LRRC37A: variants seen among roughly 807,000 people sequenced by gnomAD.
LRRC37A encodes the protein leucine rich repeat containing 37A.
LRRC37A carries 3 observed loss-of-function variants against 35.4 expected under a neutral mutation model. That is an observed-to-expected ratio of 0.08 (90% CI 0.04 to 0.22). LRRC37A has a LOEUF of 0.22. Ranked by LOEUF, LRRC37A falls within the 10% of genes least tolerant of loss-of-function variation. The pLI is 1.00. For synonymous variants in LRRC37A, 23 were observed against 215.0 expected, an observed-to-expected ratio of 0.11 and a Z score of 7.81; for missense variants, 67 against 565.3, an observed-to-expected ratio of 0.12 and a Z score of 8.94.
At chr17:46,282,133 C>T in the LRRC37A span, among the ~76,000 whole-genome samples, 21,642 of 151,600 alleles carry the variant, frequency 0.14, 1,883 homozygotes, top group Non-Finnish European at 0.22. Context: ...GACGGAGTCT[C>T]GCTCTGTCTC....
chr17:46,288,397 C>T (rs2049976887), upstream of LRRC37A, among the ~76,000 whole-genome samples: 1 of 147,804 alleles, frequency 6.8e-6, no homozygotes. Context: ...CAACCTCTGT[C>T]TCCTGGCTTC....
At chr17:46,268,210 G>T in the LRRC37A span, among the ~76,000 whole-genome samples, 1 of 152,130 alleles carries the variant, frequency 6.6e-6, no homozygotes, top group African/African-American at 2.4e-5. Flanking sequence ...GTACAGATGG[G>T]GTTTCACCAT....
the LRRC37A span, chr17:46,267,304 A>G: frequency 8.1e-6 from 11 of 1,360,744 alleles, no homozygotes; most frequent in Non-Finnish European, 1.1e-5. Context: ...GGGGTTCCCA[A>G]ACTGTTTTTT....
chr17:46,280,824 T>C, the LRRC37A span, among the ~76,000 whole-genome samples: 1 of 152,226 alleles, frequency 6.6e-6, no homozygotes, highest in Non-Finnish European at 1.5e-5. Flanking sequence ...TCCATCCGTC[T>C]TTGCCTTCCA....
chr17:46,286,131 G>T, the LRRC37A span, among the ~76,000 whole-genome samples: 2 of 152,246 alleles, frequency 1.3e-5, no homozygotes, highest in Non-Finnish European at 2.9e-5. Flanking sequence ...CAAAACAGAT[G>T]GGATGATGTT....
the LRRC37A span, among the ~76,000 whole-genome samples, chr17:46,283,034 G>A: frequency 5.3e-5 from 8 of 152,222 alleles, no homozygotes; most frequent in East Asian, 1.9e-4. Context: ...CAGGAGAATC[G>A]CTTGAACCTG....
chr17:46,261,470 G>A, the LRRC37A span, among the ~76,000 whole-genome samples: 8 of 152,054 alleles, frequency 5.3e-5, no homozygotes, highest in African/African-American at 1.7e-4. Flanking sequence ...GGAGTGCAAT[G>A]GCACGATCTC....
the LRRC37A span, among the ~76,000 whole-genome samples, chr17:46,258,219 C>CTTTTTTTTTTTTTTT: frequency 1.4e-5 from 2 of 147,140 alleles, no homozygotes; most frequent in Non-Finnish European, 3.0e-5. Flanking sequence ...GAAAGAGATT[C>CTTTTTTTTTTTTTTT]TTTTTTTTTT....
chr17:46,268,155 A>T, the LRRC37A span, among the ~76,000 whole-genome samples: 2 of 152,084 alleles, frequency 1.3e-5, no homozygotes, highest in African/African-American at 4.8e-5. Context: ...CTGGTTACGT[A>T]TTGCTTTCCC....
At chr17:46,267,080 G>GCGCCGAGCCCT in the LRRC37A span, 2 of 338,904 alleles carry the variant, frequency 5.9e-6, no homozygotes, top group Admixed American at 4.9e-5. Flanking sequence ...CGCGGAGCCC[G>GCGCCGAGCCCT]GCGCCGAGCT....
At chr17:46,291,133 GA>G (rs2050054628), upstream of LRRC37A, among the ~76,000 whole-genome samples, 1 of 152,212 alleles carries the variant, frequency 6.6e-6, no homozygotes, top group South Asian at 2.1e-4. Context: ...GAGAGAGACT[GA>G]ACTTCTTCTT....
At chr17:46,282,465 G>T in the LRRC37A span, among the ~76,000 whole-genome samples, 1 of 150,998 alleles carries the variant, frequency 6.6e-6, no homozygotes, top group Non-Finnish European at 1.5e-5. Context: ...CCCAGGCTGG[G>T]GTGGAGTGGC....
At chr17:46,259,019 A>ACTTTTTTTTTTTTTT in the LRRC37A span, among the ~76,000 whole-genome samples, 1 of 79,468 alleles carries the variant, frequency 1.3e-5, no homozygotes. Flanking sequence ...CACCCGGCCT[A>ACTTTTTTTTTTTTTT]TTTTTTTTTT....
chr17:46,261,137 C>A, the LRRC37A span, among the ~76,000 whole-genome samples: 22,038 of 151,686 alleles, frequency 0.15, 2,224 homozygotes, highest in Middle Eastern at 0.22. Flanking sequence ...TGGGTGCACA[C>A]AAATTTCACA....
At chr17:46,290,602 A>G (rs1278255450), upstream of LRRC37A, among the ~76,000 whole-genome samples, 1 of 151,940 alleles carries the variant, frequency 6.6e-6, no homozygotes, top group Non-Finnish European at 1.5e-5. Flanking sequence ...GCCTGCCACC[A>G]TGCCTGGCTA....
chr17:46,258,686 A>G, the LRRC37A span, among the ~76,000 whole-genome samples: 1 of 149,960 alleles, frequency 6.7e-6, no homozygotes, highest in African/African-American at 2.4e-5. Flanking sequence ...AGCAACCTGG[A>G]CAGGATTGGA....
At chr17:46,274,031 G>A in the LRRC37A span, among the ~76,000 whole-genome samples, 2 of 152,332 alleles carry the variant, frequency 1.3e-5, no homozygotes, top group Non-Finnish European at 2.9e-5. Context: ...CTTCTCTGAC[G>A]TGATGACAAT....
chr17:46,290,732 C>G (rs192571671), upstream of LRRC37A, among the ~76,000 whole-genome samples: 1 of 152,376 alleles, frequency 6.6e-6, no homozygotes, highest in African/African-American at 2.4e-5. Flanking sequence ...TAGGCATGAG[C>G]CATTGCGCCC....
upstream of LRRC37A, among the ~76,000 whole-genome samples, chr17:46,288,305 C>CTTTT (rs78255121): frequency 2.5e-4 from 28 of 112,232 alleles, no homozygotes; most frequent in Non-Finnish European, 3.1e-4. Flanking sequence ...CCAGGCCCGG[C>CTTTT]TTTTTTTTTT....
Sources: allele counts gnomAD v4.1 joint callset (sites outside exome capture counted in the v4.1 genomes callset), GRCh38; gene constraint gnomAD v4.1.1; transcripts MANE v1.5; gene names NCBI Gene and HGNC (gene_info 2026-07-23, HGNC 2026-07-21).